SNAP91: variants seen among roughly 807,000 people sequenced by gnomAD.
SNAP91 encodes synaptosome associated protein 91, also known as clathrin coat assembly protein AP180.
A neutral mutation model predicts 100.3 loss-of-function variants in SNAP91; 27 were observed. That is an observed-to-expected ratio of 0.27 (90% CI 0.20 to 0.37). SNAP91 has a LOEUF of 0.37. Among genes scored for constraint, SNAP91 ranks in the 10% least tolerant of loss-of-function variants. The pLI, the probability that SNAP91 is intolerant of heterozygous loss-of-function variation, is 1.00. For synonymous variants in SNAP91, 404 were observed against 398.6 expected (o/e 1.01, Z -0.16); for missense variants, 986 against 1,123.7 (o/e 0.88, Z 1.75).
intron 7 of SNAP91, among the ~76,000 whole-genome samples, chr6:83,654,258 G>A (rs977331378): frequency 2.0e-5 from 3 of 152,128 alleles, no homozygotes; most frequent in African/African-American, 7.2e-5. Context: ...AGTAATCCAT[G>A]ACTCCTTGTA....
At chr6:83,642,481 T>C (rs2097754019) in intron 7 of SNAP91, among the ~76,000 whole-genome samples, 1 of 152,192 alleles carries the variant, frequency 6.6e-6, no homozygotes, top group South Asian at 2.1e-4. Context: ...AGAATGATGG[T>C]TTCCAGCTTC....
chr6:83,674,803 AC>A (rs1371858961), intron 2 of SNAP91, among the ~76,000 whole-genome samples: 1 of 152,212 alleles, frequency 6.6e-6, no homozygotes, highest in African/African-American at 2.4e-5. Context: ...ACAATGTGAA[AC>A]AATTTTATAA....
rs900223970 is a variant in SNAP91 at position 83,665,501 on chromosome 6, T to A, written c.211A>T (p.Ser71Cys). The A allele has an allele frequency of 6.2e-7, 1 of 1,612,854 alleles. No homozygotes were observed. ...DTLFERATNS[S>C]WVVVFKALVT... Reference sequence around the variant, plus strand: ...AAAGCCTTAAACACAACCACCCAGCTACTGTTTGTTGCCCGCTCAAAGAGA... The same window carrying A: ...AAAGCCTTAAACACAACCACCCAGCAACTGTTTGTTGCCCGCTCAAAGAGA... Residue 71 changes from serine to cysteine, a missense_variant, in exon 3 of 30, where the codon AGC becomes TGC. This residue lies in a region of SNAP91 where 330 missense variants were observed against 447.5 expected (regional missense o/e 0.74). Coordinates refer to ENST00000369694, the MANE Select transcript of SNAP91 (RefSeq NM_001242792.2).
chr6:83,617,122 G>A, intron 9 of SNAP91, 83 bp from the exon 10 acceptor site: 3 of 818,984 alleles, frequency 3.7e-6, no homozygotes, highest in Non-Finnish European at 5.6e-6. Flanking sequence ...ACTGTATGGT[G>A]GAAGTCTGTG....
At chr6:83,693,824 C>A (rs1330653927) in intron 2 of SNAP91, among the ~76,000 whole-genome samples, 1 of 152,178 alleles carries the variant, frequency 6.6e-6, no homozygotes, top group African/African-American at 2.4e-5. Context: ...ATGCTGAATG[C>A]CATTTCTGGG....
rs79072697 is a variant in SNAP91 at position 83,665,865 on chromosome 6, A to T, written c.131-284T>A. On this transcript the variant is annotated intron_variant, in intron 2 of 29. Coordinates refer to ENST00000369694, the MANE Select transcript of SNAP91 (RefSeq NM_001242792.2). Reference sequence around the variant, plus strand: ...GTTTGCTGGTACTTATGCCATTTTTAAAATTATAAACTCCAGGAAGGCTAA... The same window carrying T: ...GTTTGCTGGTACTTATGCCATTTTTTAAATTATAAACTCCAGGAAGGCTAA... Among the ~76,000 whole-genome samples the T allele has an allele frequency of 9.4e-3, 1,432 of 152,192 alleles. 25 individuals are homozygous for T. The highest frequency in any genetic ancestry group is 0.032 in the African/African-American group (1,339 of 41,554).
intron 8 of SNAP91, among the ~76,000 whole-genome samples, chr6:83,628,640 C>A (rs1171845834): frequency 6.6e-6 from 1 of 151,522 alleles, no homozygotes; most frequent in Non-Finnish European, 1.5e-5. Context: ...AGCATTTTTT[C>A]TTATGTCTGT....
At chr6:83,694,747 C>G (rs2099173491) in intron 2 of SNAP91, among the ~76,000 whole-genome samples, 1 of 152,148 alleles carries the variant, frequency 6.6e-6, no homozygotes, top group Non-Finnish European at 1.5e-5. Flanking sequence ...GAATCCTGAA[C>G]AAGCACTAGA....
chr6:83,637,615 T>G (rs2097517429), intron 8 of SNAP91, among the ~76,000 whole-genome samples: 3 of 152,214 alleles, frequency 2.0e-5, no homozygotes, highest in South Asian at 4.1e-4. Context: ...CTCAGATCAC[T>G]GAGCTGTTCC....
chr6:83,558,164 TGAAGCTTTCA>T (rs1216671861), intron 28 of SNAP91, among the ~76,000 whole-genome samples: 1 of 152,134 alleles, frequency 6.6e-6, no homozygotes, highest in African/African-American at 2.4e-5. Flanking sequence ...TATTTATTTC[TGAAGCTTTCA>T]GTATATCAAA....
At chr6:83,686,211 T>G (rs1215892120) in intron 2 of SNAP91, 1 of 985,194 alleles carries the variant, frequency 1.0e-6, no homozygotes, top group Non-Finnish European at 1.2e-6. Context: ...CTTGAGTTCT[T>G]CCTGCACCGG....
chr6:83,621,285 C>T (rs2096717248), intron 9 of SNAP91, among the ~76,000 whole-genome samples: 1 of 152,150 alleles, frequency 6.6e-6, no homozygotes, highest in African/African-American at 2.4e-5. Flanking sequence ...CTGCAAAGTA[C>T]ATGATCTTTT....
rs1487004194 is a variant in SNAP91 at position 83,554,103 on chromosome 6, G to A, written c.*193C>T. On this transcript the variant is annotated 3_prime_UTR_variant, in exon 30 of 30. Coordinates refer to ENST00000369694, the MANE Select transcript of SNAP91 (RefSeq NM_001242792.2). ...AAATACACTACAATTTCAAGAGTAGGGATAACAGCTAAGGTAGTACATATT... is the reference window on the plus strand; with the variant it reads ...AAATACACTACAATTTCAAGAGTAGAGATAACAGCTAAGGTAGTACATATT... 1.3e-5 allele frequency: 2 copies of A among 159,700 alleles called. No individual in the cohort carries two copies. Among genetic ancestry groups the A allele is most frequent in the African/African-American group, 4.8e-5 (2 of 41,502 alleles). 9.9% of individuals were successfully genotyped at this position (159,700 alleles called of 1,614,324 possible). A position where few individuals can be genotyped will look rare whatever the true frequency, so the allele number is the denominator to read the frequency against.
At chr6:83,695,758 C>T (rs144721949) in intron 2 of SNAP91, among the ~76,000 whole-genome samples, 248 of 152,104 alleles carry the variant, frequency 1.6e-3, no homozygotes, top group African/African-American at 5.5e-3. Flanking sequence ...CACTATCCTA[C>T]GAAATGATTA....
intron 7 of SNAP91, among the ~76,000 whole-genome samples, chr6:83,651,934 G>T (rs192018078): frequency 6.6e-6 from 1 of 152,194 alleles, no homozygotes; most frequent in Non-Finnish European, 1.5e-5. Flanking sequence ...GCTGTTAGGT[G>T]CATATGCATT....
At position 83,582,327 on chromosome 6, in the gene SNAP91, G is replaced by T; in HGVS notation, c.2044C>A (p.Pro682Thr). The T allele has an allele frequency of 1.2e-6, 2 of 1,613,208 alleles. No homozygotes were observed. Among genetic ancestry groups the T allele is most frequent in the Non-Finnish European group, 1.7e-6 (2 of 1,179,526 alleles). The change falls in exon 23 of 30, where the codon CCA becomes ACA. Residue 682 changes from proline (P) to threonine (T), a missense_variant. By Grantham distance (38) the Pro-to-Thr change is conservative (BLOSUM62 -1). Transcript: ENST00000369694. ...GFGGSFMAPS[P>T]SPVTPAQNNL... The stretch of plus-strand genomic sequence containing the variant: ...TTCTGAGCTGGAGTCACTGGAGATG[G>T]GGAAGGCGCCATGAAAGAACCCCCA...
At chr6:83,674,462 T>C (rs972341344) in intron 2 of SNAP91, among the ~76,000 whole-genome samples, 5 of 152,098 alleles carry the variant, frequency 3.3e-5, no homozygotes, top group African/African-American at 1.2e-4. Context: ...TAAATAATTT[T>C]ATTGTTTTGT....
Position 83,593,545 on chromosome 6 carries a change from G to T in SNAP91, c.1629C>A (p.Ala543=). The T allele has an allele frequency of 6.4e-7, 1 of 1,552,312 alleles. No homozygotes were observed. The highest frequency in any genetic ancestry group is 1.2e-5 in the South Asian group (1 of 84,524). Residue 543 remains alanine, a synonymous_variant, in exon 18 of 30, where the codon GCC becomes GCA. Transcript: ENST00000369694. ...AAATTAATAA[A]TTTTTTSAAT... The stretch of plus-strand genomic sequence containing the variant: ...CAGCGGAGGTGGTGGTAGTGGTGGT[G>T]GCAGCGGCGGTGGCAGCAGTAGTGG...
chr6:83,598,467 G>A (rs2094764615), intron 16 of SNAP91, among the ~76,000 whole-genome samples: 1 of 151,954 alleles, frequency 6.6e-6, no homozygotes, highest in Non-Finnish European at 1.5e-5. Flanking sequence ...TTTAAATATA[G>A]TACTAAAATA....
Sources: allele counts gnomAD v4.1 joint callset (sites outside exome capture counted in the v4.1 genomes callset), GRCh38; gene constraint gnomAD v4.1.1; regional missense constraint gnomAD v4.1.1; transcripts MANE v1.5; gene names NCBI Gene and HGNC (gene_info 2026-07-23, HGNC 2026-07-21).